Variants in CPXM2 observed in about 807,000 individuals in gnomAD.
CPXM2 encodes the protein carboxypeptidase X, M14 family member 2.
Under a neutral mutation model 86.1 loss-of-function variants are expected in CPXM2, and 66 were observed. The ratio of observed to expected loss-of-function variants is 0.77; its 90% CI spans 0.63 to 0.94. The LOEUF is 0.94. CPXM2 is among the 40% of genes least tolerant of loss of function. The pLI, the probability that CPXM2 is intolerant of heterozygous loss-of-function variation, is 0.00. For synonymous variants in CPXM2, 388 were observed against 400.2 expected, an observed-to-expected ratio of 0.97 and a Z score of 0.36; for missense variants, 948 against 1,026.3, an observed-to-expected ratio of 0.92 and a Z score of 1.04.
intron 4 of CPXM2, among the ~76,000 whole-genome samples, chr10:123,814,039 C>T (rs748109731): frequency 2.0e-5 from 3 of 152,198 alleles, no homozygotes; most frequent in Admixed American, 6.5e-5. Flanking sequence ...TGATCCAATA[C>T]ATTCTTTTCT....
intron 2 of CPXM2, among the ~76,000 whole-genome samples, chr10:123,906,389 C>A (rs1308048735): frequency 6.6e-6 from 1 of 152,232 alleles, no homozygotes; most frequent in Non-Finnish European, 1.5e-5. Context: ...TCCTCACCCA[C>A]AGTAGCCTCC....
At chr10:123,820,988 G>C (rs1847912998) in intron 4 of CPXM2, among the ~76,000 whole-genome samples, 1 of 152,132 alleles carries the variant, frequency 6.6e-6, no homozygotes, top group Admixed American at 6.5e-5. Flanking sequence ...TCCTATGAGA[G>C]GATTTCTGCC....
chr10:123,927,922 G>C (rs929662989), intron 2 of CPXM2, among the ~76,000 whole-genome samples: 2 of 152,186 alleles, frequency 1.3e-5, no homozygotes, highest in African/African-American at 4.8e-5. Flanking sequence ...GTAGGTACCA[G>C]GCACTTCCAT....
intron 1 of CPXM2, among the ~76,000 whole-genome samples, chr10:123,889,471 G>A (rs1471631825): frequency 2.0e-5 from 3 of 151,950 alleles, no homozygotes; most frequent in Non-Finnish European, 1.5e-5. Context: ...GTGGGGGGCG[G>A]GGGCTGGGGG....
intron 2 of CPXM2, among the ~76,000 whole-genome samples, chr10:123,935,468 G>A (rs1945707000): frequency 6.6e-6 from 1 of 152,162 alleles, no homozygotes; most frequent in African/African-American, 2.4e-5. Context: ...TGGATGATGT[G>A]AAACTGCTAA....
At chr10:123,902,030 G>A (rs991018822) in intron 2 of CPXM2, among the ~76,000 whole-genome samples, 4 of 152,222 alleles carry the variant, frequency 2.6e-5, no homozygotes, top group Admixed American at 1.3e-4. Context: ...AGTAACCACT[G>A]TCGCAACCTG....
At chr10:123,913,833 C>G (rs768574271) in intron 2 of CPXM2, 1 of 347,338 alleles carries the variant, frequency 2.9e-6, no homozygotes, top group South Asian at 2.2e-5. Flanking sequence ...GCTGTTTAAC[C>G]GGATCTGTGG....
chr10:123,800,035 T>G (rs1403818997), intron 4 of CPXM2, among the ~76,000 whole-genome samples: 3 of 150,846 alleles, frequency 2.0e-5, no homozygotes, highest in Non-Finnish European at 3.0e-5. Flanking sequence ...TTGGTTTTTT[T>G]TTTTTTTTTT....
chr10:123,754,876 C>T lies in CPXM2; in HGVS notation c.1918-114G>A. The T allele has an allele frequency of 1.4e-6, 1 of 704,476 alleles. No individual in the cohort carries two copies. Among genetic ancestry groups the T allele is most frequent in the South Asian group, 1.6e-5 (1 of 62,394 alleles). The allele number at this position is 704,476 out of a possible 1,614,324, so 43.6% of individuals were successfully genotyped here. A position where few individuals can be genotyped will look rare whatever the true frequency, so the allele number is the denominator to read the frequency against. ...GGCCGGTTCCCACCAAGAACTCACA[C>T]AGCACCACGTCTTGCTCAGAAGGCT... On this transcript the variant is annotated intron_variant, in intron 12 of 13. Coordinates refer to ENST00000241305, the MANE Select transcript of CPXM2 (RefSeq NM_198148.3). The surrounding 1 kb of genome is among the most constrained non-coding windows in gnomAD (Gnocchi z 4.0).
At chr10:123,886,514 G>A (rs915956970) in intron 1 of CPXM2, among the ~76,000 whole-genome samples, 3 of 152,156 alleles carry the variant, frequency 2.0e-5, no homozygotes, top group African/African-American at 7.2e-5. Flanking sequence ...CAAACTCAAT[G>A]ATTCTGAGCA....
Position 123,799,000 on chromosome 10 carries a change from T to A in CPXM2, c.738+115A>T. ...CTGTCCATCAGACTGTAGTGGTAGGTTTGAGTTGACAGAGAATCCACAAAT... is the reference window on the plus strand; with the variant it reads ...CTGTCCATCAGACTGTAGTGGTAGGATTGAGTTGACAGAGAATCCACAAAT... On this transcript the variant is annotated intron_variant, in intron 5 of 13. Coordinates refer to ENST00000241305, the MANE Select transcript of CPXM2 (RefSeq NM_198148.3). 3 of 1,199,416 alleles carry A rather than the reference T, an allele frequency of 2.5e-6. No individual in the cohort carries two copies. In the South Asian group the frequency reaches 4.0e-5, roughly 16 times the overall value. The allele number at this position is 1,199,416 out of a possible 1,614,324, so 74.3% of individuals were successfully genotyped here.
At chr10:123,761,830 C>T (rs773015713) in intron 11 of CPXM2, 42 bp downstream of exon 11, 7 of 1,586,860 alleles carry the variant, frequency 4.4e-6, no homozygotes, top group African/African-American at 2.7e-5. Flanking sequence ...CTGCAGCGTC[C>T]TCCTGCGCCC....
chr10:123,814,969 G>T (rs1847783672), intron 4 of CPXM2, among the ~76,000 whole-genome samples: 2 of 152,164 alleles, frequency 1.3e-5, no homozygotes, highest in African/African-American at 4.8e-5. Context: ...AGGTTGCAGT[G>T]ATCCAAGATT....
intron 4 of CPXM2, among the ~76,000 whole-genome samples, chr10:123,834,003 T>C (rs558589546): frequency 6.6e-6 from 1 of 152,284 alleles, no homozygotes; most frequent in Non-Finnish European, 1.5e-5. Context: ...CCCTATGTGG[T>C]AGCTGCTATT....
chr10:123,819,054 C>T (rs1847871773), intron 4 of CPXM2, among the ~76,000 whole-genome samples: 2 of 149,606 alleles, frequency 1.3e-5, no homozygotes. Context: ...TTCCATTAAA[C>T]TGGAAGTTAA....
intron 1 of CPXM2, among the ~76,000 whole-genome samples, chr10:123,880,677 A>C (rs541007638): frequency 1.1e-4 from 17 of 151,712 alleles, no homozygotes; most frequent in Non-Finnish European, 5.9e-5. Flanking sequence ...AAAATACAAA[A>C]AATTAGCCAG....
chr10:123,861,478 C>T (rs1848847654), intron 3 of CPXM2, among the ~76,000 whole-genome samples: 3 of 152,172 alleles, frequency 2.0e-5, no homozygotes, highest in African/African-American at 7.2e-5. Context: ...TCCGCAGAAC[C>T]TGTGCATATA....
At chr10:123,837,778 C>T (rs1190282652) in intron 4 of CPXM2, among the ~76,000 whole-genome samples, 7 of 152,058 alleles carry the variant, frequency 4.6e-5, no homozygotes, top group African/African-American at 1.4e-4. Context: ...TATAAGTTAT[C>T]GTATTACTTT....
chr10:123,863,606 C>G (rs1328031156), intron 2 of CPXM2, among the ~76,000 whole-genome samples: 3 of 152,196 alleles, frequency 2.0e-5, no homozygotes, highest in Non-Finnish European at 2.9e-5. Flanking sequence ...ATCCTGCCTA[C>G]CAGAAATGGA....
Sources: allele counts gnomAD v4.1 joint callset (sites outside exome capture counted in the v4.1 genomes callset), GRCh38; gene constraint gnomAD v4.1.1; non-coding constraint Gnocchi (gnomAD v3.1); transcripts MANE v1.5; gene names NCBI Gene and HGNC (gene_info 2026-07-23, HGNC 2026-07-21).